Variants in HIVEP3 observed in about 807,000 individuals in gnomAD.
HIVEP3 encodes HIVEP zinc finger 3.
Under a neutral mutation model 152.8 loss-of-function variants are expected in HIVEP3, and 49 were observed. The observed-to-expected ratio is 0.32, with a 90% confidence interval of 0.26 to 0.41. The LOEUF (loss-of-function observed/expected upper bound fraction) is 0.41. HIVEP3 is among the 10% of genes least tolerant of loss of function. The pLI is 1.00. For missense variants in HIVEP3, 2,790 were observed against 3,103.3 expected, an observed-to-expected ratio of 0.90 and a Z score of 2.40; for synonymous variants, 1,269 against 1,289.0, an observed-to-expected ratio of 0.98 and a Z score of 0.33.
chr1:41,579,849 AG>A lies in HIVEP3; in HGVS notation c.4948del (p.Leu1650SerfsTer2). The A allele has an allele frequency of 6.2e-7, 1 of 1,614,154 alleles. No homozygotes were observed. Among genetic ancestry groups the A allele is most frequent in the Non-Finnish European group, 8.5e-7 (1 of 1,180,000 alleles). ...PGVSTKAALS[L>X]LRSKQKVSKE... Reference sequence around the variant, plus strand: ...GCTCACTTTCTGCTTAGACCTCAGGAGGGACAAAGCAGCTTTAGTGGAAACC... The same window carrying A: ...GCTCACTTTCTGCTTAGACCTCAGGAGGACAAAGCAGCTTTAGTGGAAACC... On this transcript the variant is annotated frameshift_variant, in exon 4 of 9. Coordinates refer to ENST00000372583, the MANE Select transcript of HIVEP3 (RefSeq NM_024503.5). LOFTEE classifies it high-confidence loss of function.
Position 41,581,591 on chromosome 1 carries a change from G to T in HIVEP3, c.3207C>A (p.Ser1069Arg). ...TACTGGATGAGGGCTGTGGTTCTTCGCTCTCCTGTCTTCCCTTGGGGGCAA... is the reference window on the plus strand; with the variant it reads ...TACTGGATGAGGGCTGTGGTTCTTCTCTCTCCTGTCTTCCCTTGGGGGCAA... ...LEVAPKGRQESEEPQPSSSKP... is the reference protein window; with the variant it reads ...LEVAPKGRQEREEPQPSSSKP... The change falls in exon 4 of 9, where the codon AGC becomes AGA. Residue 1069 changes from serine (S) to arginine (R), a missense_variant. This residue lies in a region of HIVEP3 where 1,078 missense variants were observed against 1,165.3 expected (regional missense o/e 0.93). Transcript: ENST00000372583. The surrounding 1 kb of genome is among the most constrained non-coding windows in gnomAD (Gnocchi z 4.5). 6.2e-7 allele frequency: 1 copy of T among 1,613,622 alleles called. No individual in the cohort carries two copies. Among genetic ancestry groups the T allele is most frequent in the Non-Finnish European group, 8.5e-7 (1 of 1,179,810 alleles).
At chr1:41,868,648 G>A (rs1644025806) in intron 1 of HIVEP3, among the ~76,000 whole-genome samples, 1 of 152,150 alleles carries the variant, frequency 6.6e-6, no homozygotes, top group South Asian at 2.1e-4. Context: ...CCTGTGCGTG[G>A]CTCTCCCGCA....
rs538850868 is a variant in HIVEP3 at position 41,917,780 on chromosome 1, T to A, written c.-801+633A>T. ...AATAGGAGTTTGGTTTGGGTTTGGT[T>A]GGGTCAGGTTGGGGGTTGGGAAATG... On this transcript the variant is annotated intron_variant, in intron 1 of 8. Coordinates refer to ENST00000372583, the MANE Select transcript of HIVEP3 (RefSeq NM_024503.5). Among the ~76,000 whole-genome samples, 32 of 152,058 alleles carry A rather than the reference T, an allele frequency of 2.1e-4. No individual in the cohort carries two copies. In the South Asian group the frequency reaches 6.4e-3, roughly 31 times the overall value.
intron 3 of HIVEP3, among the ~76,000 whole-genome samples, chr1:41,609,273 G>C (rs1644864828): frequency 6.6e-6 from 1 of 152,206 alleles, no homozygotes; most frequent in South Asian, 2.1e-4. Flanking sequence ...GCCCTTAGGG[G>C]GAACACTTCT....
At chr1:41,568,824 T>C (rs946836662) in intron 5 of HIVEP3, among the ~76,000 whole-genome samples, 1 of 152,220 alleles carries the variant, frequency 6.6e-6, no homozygotes, top group African/African-American at 2.4e-5. Flanking sequence ...TCCCCACTGA[T>C]ATGGTTTGGA....
At position 41,595,348 on chromosome 1, in the gene HIVEP3, C is replaced by T. The variant is rs1055939393; in HGVS notation, c.-521-10030G>A. Among the ~76,000 whole-genome samples the T allele has an allele frequency of 1.1e-4, 17 of 152,174 alleles. No individual in the cohort carries two copies. In the South Asian group the frequency reaches 1.4e-3, roughly 13 times the overall value. On this transcript the variant is annotated intron_variant, in intron 3 of 8. Transcript: ENST00000372583. The stretch of plus-strand genomic sequence containing the variant: ...CAATGCAGAGAGATTCAGCCATTGG[C>T]GTTTCAGTCCTGTCAAAATAGGGCC...
intron 1 of HIVEP3, among the ~76,000 whole-genome samples, chr1:41,958,574 T>A (rs1195536456): frequency 6.6e-6 from 1 of 152,208 alleles, no homozygotes; most frequent in African/African-American, 2.4e-5. Flanking sequence ...CAGGGGCAGA[T>A]GACCAGGCCC....
chr1:41,726,729 A>T (rs1408596628), intron 1 of HIVEP3, among the ~76,000 whole-genome samples: 1 of 152,142 alleles, frequency 6.6e-6, no homozygotes, highest in East Asian at 1.9e-4. Flanking sequence ...TCTTTTGGGG[A>T]AGGTCAAAGA....
At chr1:41,713,067 G>C (rs1242511880) in intron 1 of HIVEP3, among the ~76,000 whole-genome samples, 1 of 152,208 alleles carries the variant, frequency 6.6e-6, no homozygotes, top group Non-Finnish European at 1.5e-5. Flanking sequence ...AAAACTGGAT[G>C]CTGGGCCATT....
Position 41,724,650 on chromosome 1 carries a change from G to A in HIVEP3, c.-800-23655C>T, listed in dbSNP as rs201179543. ...GGGTAATGGACAGGGGCAGCTCCAC[G>A]TCAGTGAGACGTGATGCATTAAGAT... On this transcript the variant is annotated intron_variant, in intron 1 of 8. Coordinates refer to ENST00000372583, the MANE Select transcript of HIVEP3 (RefSeq NM_024503.5). Among the ~76,000 whole-genome samples, 487 of 152,336 alleles carry A rather than the reference G, an allele frequency of 3.2e-3. 4 individuals are homozygous for A. Among genetic ancestry groups the A allele is most frequent in the African/African-American group, 0.011 (451 of 41,576 alleles).
At chr1:41,899,916 G>C (rs1644593738) in intron 1 of HIVEP3, among the ~76,000 whole-genome samples, 2 of 152,060 alleles carry the variant, frequency 1.3e-5, no homozygotes, top group Non-Finnish European at 2.9e-5. Context: ...TATTGTCCCT[G>C]AACCAAAACA....
intron 1 of HIVEP3, among the ~76,000 whole-genome samples, chr1:41,795,768 GT>G (rs577403427): frequency 2.2e-4 from 34 of 152,080 alleles, no homozygotes; most frequent in Non-Finnish European, 4.4e-4. Context: ...GCTCTTTCTG[GT>G]TGGCTCCTGG....
chr1:41,739,546 A>T (rs896276457), intron 1 of HIVEP3, among the ~76,000 whole-genome samples: 1 of 151,814 alleles, frequency 6.6e-6, no homozygotes, highest in African/African-American at 2.4e-5. Context: ...CCCAGGAGTT[A>T]CCCAGCTCAG....
At chr1:41,806,544 T>C (rs1156989082) in intron 1 of HIVEP3, among the ~76,000 whole-genome samples, 3 of 152,218 alleles carry the variant, frequency 2.0e-5, no homozygotes, top group Non-Finnish European at 4.4e-5. Context: ...AGAGCATGGA[T>C]GCATTTCACC....
intron 1 of HIVEP3, among the ~76,000 whole-genome samples, chr1:41,835,577 A>G (rs759583484): frequency 6.6e-6 from 1 of 152,256 alleles, no homozygotes; most frequent in Non-Finnish European, 1.5e-5. Flanking sequence ...ATTCCTATCA[A>G]ATTAGATTTT....
intron 5 of HIVEP3, among the ~76,000 whole-genome samples, chr1:41,527,969 A>C: frequency 7.6e-6 from 1 of 130,920 alleles, no homozygotes; most frequent in African/African-American, 3.0e-5. Context: ...ACACCCTTGC[A>C]TTCACCTTCA....
At chr1:41,544,844 TACC>T (rs1309800542) in intron 5 of HIVEP3, among the ~76,000 whole-genome samples, 310 of 11,762 alleles carry the variant, frequency 0.026, 25 homozygotes, top group Non-Finnish European at 0.036. Context: ...CCACCACCAC[TACC>T]ACCACCACCA....
chr1:41,970,523 G>A (rs1645223022), intron 1 of HIVEP3, among the ~76,000 whole-genome samples: 1 of 152,094 alleles, frequency 6.6e-6, no homozygotes, highest in Non-Finnish European at 1.5e-5. Context: ...AACATACACT[G>A]GGGCCTGTTG....
At position 41,506,527 on chromosome 1, in the gene HIVEP3, A is replaced by T. The variant is rs2492082; in HGVS notation, c.*3924T>A. On this transcript the variant is annotated 3_prime_UTR_variant, in exon 9 of 9. Transcript: ENST00000372583. ...GTAATTTACAACAAAGGTCACACAC[A>T]TCAATACTGAGCATTTTTCCTTTTG... The T allele has an allele frequency of 0.48, 73,380 of 151,952 alleles. 20,552 individuals carry two copies. Among genetic ancestry groups the T allele is most frequent in the South Asian group, 0.66 (3,183 of 4,824 alleles). 9.4% of individuals were successfully genotyped at this position (151,952 alleles called of 1,614,324 possible).
Sources: allele counts gnomAD v4.1 joint callset (sites outside exome capture counted in the v4.1 genomes callset), GRCh38; gene constraint gnomAD v4.1.1; regional missense constraint gnomAD v4.1.1; non-coding constraint Gnocchi (gnomAD v3.1); transcripts MANE v1.5; gene names NCBI Gene and HGNC (gene_info 2026-07-23, HGNC 2026-07-21).